The following KLHL1 variants were observed in gnomAD, a reference collection of about 807,000 sequenced individuals.
KLHL1 encodes kelch-like protein 1.
In KLHL1, 47 loss-of-function variants were observed where a neutral mutation model predicts 77.7. That is an observed-to-expected ratio of 0.60 (90% CI 0.48 to 0.77). The LOEUF is 0.77. Ranked by LOEUF, KLHL1 falls within the 30% of genes least tolerant of loss-of-function variation. The pLI, the probability that KLHL1 is intolerant of heterozygous loss-of-function variation, is 0.00. For missense variants in KLHL1, 925 were observed against 910.8 expected (o/e 1.02, Z -0.20); for synonymous variants, 360 against 325.2 (o/e 1.11, Z -1.15).
intron 3 of KLHL1, among the ~76,000 whole-genome samples, chr13:69,960,605 C>T (rs1884032549): frequency 6.6e-6 from 1 of 152,046 alleles, no homozygotes; most frequent in South Asian, 2.1e-4. Context: ...TCCTCATCTA[C>T]ATCTTCTGTT....
intron 1 of KLHL1, among the ~76,000 whole-genome samples, chr13:70,104,722 A>G (rs1888008624): frequency 6.6e-6 from 1 of 152,158 alleles, no homozygotes; most frequent in South Asian, 2.1e-4. Context: ...AAATTGTCAT[A>G]CAGCATTCAT....
At chr13:69,719,207 T>TGA (rs1872919612) in intron 9 of KLHL1, among the ~76,000 whole-genome samples, 162 bp downstream of exon 9, 1 of 13,072 alleles carries the variant, frequency 7.6e-5, no homozygotes, top group Admixed American at 2.5e-3. Context: ...TGTGTGTGTG[T>TGA]GTGAGAGAGA....
chr13:70,084,464 C>CTTTTTTTTTTTTT (rs1266369112), intron 1 of KLHL1, among the ~76,000 whole-genome samples: 4 of 129,046 alleles, frequency 3.1e-5, no homozygotes, highest in African/African-American at 8.8e-5. Flanking sequence ...TCTTCTTCTT[C>CTTTTTTTTTTTTT]TTTTTTTTTT....
intron 4 of KLHL1, among the ~76,000 whole-genome samples, chr13:69,923,853 C>G (rs535109732): frequency 6.6e-6 from 1 of 152,258 alleles, no homozygotes; most frequent in East Asian, 1.9e-4. Flanking sequence ...GCAGCTGCAG[C>G]TGCCCAAGCT....
intron 4 of KLHL1, among the ~76,000 whole-genome samples, chr13:69,939,340 C>CATACAT (rs1555283221): frequency 1.6e-5 from 1 of 60,846 alleles, no homozygotes; most frequent in Admixed American, 2.1e-4. Flanking sequence ...CATATACATA[C>CATACAT]ATATATATAT....
intron 1 of KLHL1, among the ~76,000 whole-genome samples, chr13:70,004,914 T>C (rs145193721): frequency 5.3e-5 from 8 of 151,612 alleles, no homozygotes; most frequent in Non-Finnish European, 8.9e-5. Context: ...TGTAGAAAAC[T>C]ATATATTTAT....
rs41283978 is a variant in KLHL1, at chr13:70,107,600, C to T, written c.100G>A (p.Gly34Arg). 50 of 1,593,512 alleles carry T rather than the reference C, an allele frequency of 3.1e-5. No individual in the cohort carries two copies. Among genetic ancestry groups the T allele is most frequent in the African/African-American group, 9.4e-5 (7 of 74,386 alleles). ...CCGTCCTGTTGCAGGCAGCCTCCCC[C>T]CGCCGGGCCGCCGGTGGAAGGAGAC... ...HPSPSTGGPA[G>R]GGCLQQDGSG... Residue 34 changes from glycine (G) to arginine (R), a missense_variant, in exon 1 of 11, where the codon GGG becomes AGG. Physicochemically the swap from Gly to Arg is moderately radical, Grantham distance 125 (BLOSUM62 -2). Coordinates refer to ENST00000377844, the MANE Select transcript of KLHL1 (RefSeq NM_020866.3).
At chr13:69,747,909 CA>C (rs1373273728) in intron 7 of KLHL1, among the ~76,000 whole-genome samples, 1 of 151,778 alleles carries the variant, frequency 6.6e-6, no homozygotes, top group African/African-American at 2.4e-5. Context: ...TTACTATACA[CA>C]GCAAAATATA....
rs1197000985 is a variant in KLHL1 at position 70,107,849 on chromosome 13, G to C, written c.-150C>G. ...CCAGAAGACGCTAGGTGGGCTGCGC[G>C]CTCTGCCAGGCGAAGGCTGGAGCGC... On this transcript the variant is annotated 5_prime_UTR_variant, in exon 1 of 11. Transcript: ENST00000377844. 6.9e-5 allele frequency: 42 copies of C among 610,412 alleles called. No individual in the cohort carries two copies. Among genetic ancestry groups the C allele is most frequent in the Non-Finnish European group, 1.0e-4 (37 of 370,336 alleles). The allele number at this position is 610,412 out of a possible 1,614,324, so 37.8% of individuals were successfully genotyped here. A position where few individuals can be genotyped will look rare whatever the true frequency, so the allele number is the denominator to read the frequency against.
At chr13:69,715,144 C>A (rs946681432) in intron 9 of KLHL1, among the ~76,000 whole-genome samples, 20 of 152,138 alleles carry the variant, frequency 1.3e-4, no homozygotes, top group Admixed American at 2.6e-4. Context: ...ACGATTGCTG[C>A]ATCTACTTAG....
intron 1 of KLHL1, among the ~76,000 whole-genome samples, chr13:70,099,590 G>A (rs1178165656): frequency 6.6e-6 from 1 of 151,880 alleles, no homozygotes; most frequent in Non-Finnish European, 1.5e-5. Flanking sequence ...CAAGGCAAGT[G>A]AGATTTACAT....
intron 5 of KLHL1, among the ~76,000 whole-genome samples, chr13:69,841,176 C>G (rs9572299): frequency 0.17 from 26,204 of 151,664 alleles, 2,714 homozygotes; most frequent in East Asian, 0.52. Context: ...CCTTCAATAT[C>G]ACATCTCATA....
chr13:70,062,262 C>A (rs758739215), intron 1 of KLHL1, among the ~76,000 whole-genome samples: 22 of 152,032 alleles, frequency 1.4e-4, no homozygotes, highest in Admixed American at 6.6e-4. Context: ...TAAATATGAA[C>A]AATTTATATT....
At chr13:69,935,089 T>C (rs927360470) in intron 4 of KLHL1, among the ~76,000 whole-genome samples, 1 of 151,148 alleles carries the variant, frequency 6.6e-6, no homozygotes, top group Non-Finnish European at 1.5e-5. Flanking sequence ...TTATACTTTA[T>C]AATGATAATT....
At chr13:69,990,013 G>A (rs1884984694) in intron 1 of KLHL1, among the ~76,000 whole-genome samples, 1 of 151,782 alleles carries the variant, frequency 6.6e-6, no homozygotes, top group African/African-American at 2.4e-5. Flanking sequence ...GGAGATTTGA[G>A]GCCTATATTC....
chr13:69,995,547 G>A (rs1055116160), intron 1 of KLHL1, among the ~76,000 whole-genome samples: 14 of 152,104 alleles, frequency 9.2e-5, no homozygotes, highest in African/African-American at 3.4e-4. Context: ...AAGAAAGAAT[G>A]CTGTAAAATT....
At chr13:69,927,342 T>G (rs1457835670) in intron 4 of KLHL1, among the ~76,000 whole-genome samples, 1 of 152,164 alleles carries the variant, frequency 6.6e-6, no homozygotes, top group African/African-American at 2.4e-5. Flanking sequence ...GACCTTGGAT[T>G]GGTTAAACGT....
intron 9 of KLHL1, among the ~76,000 whole-genome samples, chr13:69,718,396 A>G (rs1311268979): frequency 7.3e-6 from 1 of 136,112 alleles, no homozygotes; most frequent in Non-Finnish European, 1.6e-5. Context: ...GAGACCAGCA[A>G]TGATCAATAT....
At position 70,063,892 on chromosome 13, in the gene KLHL1, G is replaced by T. The variant is rs181555951; in HGVS notation, c.497+43311C>A. Among the ~76,000 whole-genome samples, 30 of 152,142 alleles carry T rather than the reference G, an allele frequency of 2.0e-4. No individual in the cohort carries two copies. The East Asian group carries it at 5.8e-3, about 29-fold the overall frequency. On this transcript the variant is annotated intron_variant, in intron 1 of 10. Transcript: ENST00000377844. ...ATTATATTTATAGGTGTGTTTATATGATTGGATGCTTTCTTTTTCTTCCTA... is the reference window on the plus strand; with the variant it reads ...ATTATATTTATAGGTGTGTTTATATTATTGGATGCTTTCTTTTTCTTCCTA...
Sources: allele counts gnomAD v4.1 joint callset (sites outside exome capture counted in the v4.1 genomes callset), GRCh38; gene constraint gnomAD v4.1.1; transcripts MANE v1.5; gene names NCBI Gene and HGNC (gene_info 2026-07-23, HGNC 2026-07-21).